Variants in HECW1 observed in about 807,000 individuals in gnomAD.
The protein encoded by HECW1 is HECT, C2 and WW domain containing E3 ubiquitin protein ligase 1.
Under a neutral mutation model 182.3 loss-of-function variants are expected in HECW1, and 61 were observed. That is an observed-to-expected ratio of 0.33 (90% CI 0.27 to 0.41). The LOEUF is 0.41. Ranked by LOEUF, HECW1 falls within the 10% of genes least tolerant of loss-of-function variation. The pLI, the probability that HECW1 is intolerant of heterozygous loss-of-function variation, is 1.00. For missense variants in HECW1, 1,739 were observed against 2,108.9 expected, an observed-to-expected ratio of 0.82 and a Z score of 3.44; for synonymous variants, 859 against 832.6, an observed-to-expected ratio of 1.03 and a Z score of -0.55.
intron 2 of HECW1, among the ~76,000 whole-genome samples, chr7:43,171,741 G>A (rs944758069): frequency 3.1e-4 from 47 of 152,230 alleles, no homozygotes; most frequent in African/African-American, 1.1e-3. Context: ...CTTCCTCAAT[G>A]GATTGGGCAT....
intron 6 of HECW1, among the ~76,000 whole-genome samples, chr7:43,385,075 A>G (rs2074713105): frequency 6.6e-6 from 1 of 151,972 alleles, no homozygotes; most frequent in Admixed American, 6.6e-5. Context: ...CATAATTTGT[A>G]AGAAAAAGAT....
intron 8 of HECW1, among the ~76,000 whole-genome samples, chr7:43,410,214 T>C (rs1033629784): frequency 9.9e-5 from 15 of 152,186 alleles, no homozygotes; most frequent in African/African-American, 3.1e-4. Context: ...ACAACAGATA[T>C]GTATTTCTCA....
At chr7:43,529,058 C>T (rs1414403364) in intron 24 of HECW1, among the ~76,000 whole-genome samples, 1 of 152,090 alleles carries the variant, frequency 6.6e-6, no homozygotes, top group Non-Finnish European at 1.5e-5. Context: ...GTGGCAGTGA[C>T]CTACATTCCA....
chr7:43,201,417 A>G, intron 2 of HECW1, among the ~76,000 whole-genome samples: 1 of 152,262 alleles, frequency 6.6e-6, no homozygotes, highest in East Asian at 1.9e-4. Context: ...CTGTGTTAAC[A>G]CAAAAAGGAG....
intron 3 of HECW1, among the ~76,000 whole-genome samples, chr7:43,271,229 G>A (rs573891551): frequency 3.0e-4 from 45 of 152,228 alleles, no homozygotes; most frequent in African/African-American, 9.6e-4. Context: ...GAACATTAAT[G>A]TATGTTTAAA....
chr7:43,501,994 A>G (rs1469068456), intron 21 of HECW1, among the ~76,000 whole-genome samples: 1 of 152,212 alleles, frequency 6.6e-6, no homozygotes, highest in African/African-American at 2.4e-5. Context: ...GACTTGAGTA[A>G]TAGCAACAGA....
chr7:43,333,599 T>C (rs1403688070), intron 5 of HECW1, among the ~76,000 whole-genome samples: 1 of 152,202 alleles, frequency 6.6e-6, no homozygotes, highest in African/African-American at 2.4e-5. Context: ...GCTTAATAAG[T>C]ATGTATTCAA....
intron 3 of HECW1, among the ~76,000 whole-genome samples, chr7:43,305,885 C>A (rs2079262): frequency 6.6e-6 from 1 of 151,886 alleles, no homozygotes; most frequent in Non-Finnish European, 1.5e-5. Context: ...CTCAGCCTCC[C>A]AAGTAGCTGG....
At chr7:43,397,285 A>G (rs748330364) in intron 7 of HECW1, among the ~76,000 whole-genome samples, 1 of 152,238 alleles carries the variant, frequency 6.6e-6, no homozygotes, top group Non-Finnish European at 1.5e-5. Flanking sequence ...GAGCCGCTCA[A>G]AAATGCTCAT....
intron 4 of HECW1, among the ~76,000 whole-genome samples, chr7:43,314,515 G>A (rs1385069591): frequency 6.6e-6 from 1 of 152,024 alleles, no homozygotes; most frequent in African/African-American, 2.4e-5. Flanking sequence ...GAACAAAGAA[G>A]AGGGTAGTAG....
At position 43,542,016 on chromosome 7, in the gene HECW1, T is replaced by C; in HGVS notation, c.4248+18T>C. On this transcript the variant is annotated intron_variant, in intron 26 of 29. Coordinates refer to ENST00000395891, the MANE Select transcript of HECW1 (RefSeq NM_015052.5). ...TTGGACAGGTTTGTGTGACATGGGG[T>C]TTGGAAAAGGGATTTTGTTTTTTAC... 1 of 1,473,014 alleles carries C rather than the reference T, an allele frequency of 6.8e-7. No homozygotes were observed. The highest frequency in any genetic ancestry group is 9.0e-7 in the Non-Finnish European group (1 of 1,113,050). 91.2% of individuals were successfully genotyped at this position (1,473,014 alleles called of 1,614,324 possible). A position where few individuals can be genotyped will look rare whatever the true frequency, so the allele number is the denominator to read the frequency against.
At chr7:43,255,003 A>G (rs1407310584) in intron 3 of HECW1, among the ~76,000 whole-genome samples, 1 of 152,210 alleles carries the variant, frequency 6.6e-6, no homozygotes, top group Non-Finnish European at 1.5e-5. Context: ...TGCAATAGCT[A>G]CTTTACACTC....
At chr7:43,369,809 A>G (rs902803336) in intron 6 of HECW1, among the ~76,000 whole-genome samples, 3 of 152,216 alleles carry the variant, frequency 2.0e-5, no homozygotes, top group African/African-American at 7.2e-5. Context: ...CTTAGCACAG[A>G]ATAGACAAAA....
intron 3 of HECW1, among the ~76,000 whole-genome samples, chr7:43,271,465 A>G (rs1403392772): frequency 6.6e-6 from 1 of 152,158 alleles, no homozygotes; most frequent in Non-Finnish European, 1.5e-5. Context: ...AACCCTAAGG[A>G]CTCTGTCAAA....
At chr7:43,391,190 A>G (rs2075015615) in intron 6 of HECW1, among the ~76,000 whole-genome samples, 1 of 152,212 alleles carries the variant, frequency 6.6e-6, no homozygotes, top group Non-Finnish European at 1.5e-5. Context: ...AATCACTTAC[A>G]TCTTTAGGTG....
At chr7:43,302,684 CT>C (rs1806992671) in intron 3 of HECW1, among the ~76,000 whole-genome samples, 8 of 152,190 alleles carry the variant, frequency 5.3e-5, no homozygotes. Context: ...GTCCGCAGGG[CT>C]CCTGGAGCTG....
intron 24 of HECW1, among the ~76,000 whole-genome samples, chr7:43,532,954 A>G (rs2081051261): frequency 6.6e-6 from 1 of 152,192 alleles, no homozygotes; most frequent in Non-Finnish European, 1.5e-5. Flanking sequence ...AGTTTTCAAG[A>G]AAGGCAAGTT....
rs144902180 is a variant in HECW1 at position 43,348,230 on chromosome 7, A to G, written c.461-12656A>G. On this transcript the variant is annotated intron_variant, in intron 5 of 29. Coordinates refer to ENST00000395891, the MANE Select transcript of HECW1 (RefSeq NM_015052.5). ...TGCTCAGGGTATCTAATTCTTCTTG[A>G]TTTAAGCTAAGAGGGCTGTATTTTT... Among the ~76,000 whole-genome samples the G allele has an allele frequency of 1.8e-3, 274 of 152,152 alleles. 1 individual carries two copies. Among genetic ancestry groups the G allele is most frequent in the African/African-American group, 6.0e-3 (249 of 41,526 alleles).
intron 5 of HECW1, among the ~76,000 whole-genome samples, chr7:43,335,741 C>G (rs1472855138): frequency 6.8e-6 from 1 of 147,340 alleles, no homozygotes; most frequent in African/African-American, 2.5e-5. Context: ...TCCTTCCTTC[C>G]TCCTTTCCTC....
Sources: allele counts gnomAD v4.1 joint callset (sites outside exome capture counted in the v4.1 genomes callset), GRCh38; gene constraint gnomAD v4.1.1; transcripts MANE v1.5; gene names NCBI Gene and HGNC (gene_info 2026-07-23, HGNC 2026-07-21).